The following ATP8A2 variants were observed in gnomAD, a reference collection of about 807,000 sequenced individuals.
ATP8A2 encodes the protein ATPase phospholipid transporting 8A2, also known as phospholipid-transporting ATPase IB.
A neutral mutation model predicts 165.6 loss-of-function variants in ATP8A2; 100 were observed. That is an observed-to-expected ratio of 0.60 (90% CI 0.51 to 0.71). The LOEUF is 0.71. Ranked by LOEUF, ATP8A2 falls within the 30% of genes least tolerant of loss-of-function variation. The pLI is 0.00. For synonymous variants in ATP8A2, 543 were observed against 548.8 expected, an observed-to-expected ratio of 0.99 and a Z score of 0.15; for missense variants, 1,227 against 1,479.5, an observed-to-expected ratio of 0.83 and a Z score of 2.80.
At chr13:25,890,124 TG>T (rs1400629390) in intron 33 of ATP8A2, among the ~76,000 whole-genome samples, 3 of 152,096 alleles carry the variant, frequency 2.0e-5, no homozygotes, top group Non-Finnish European at 4.4e-5. Context: ...ATCGCTCCAC[TG>T]CCCTCCAGCC....
At chr13:25,821,725 T>C (rs1349848018) in intron 27 of ATP8A2, among the ~76,000 whole-genome samples, 1 of 152,212 alleles carries the variant, frequency 6.6e-6, no homozygotes, top group African/African-American at 2.4e-5. Context: ...GACTATATGA[T>C]TTTTTGCTGT....
intron 35 of ATP8A2, among the ~76,000 whole-genome samples, chr13:26,008,907 T>G (rs1443807474): frequency 6.6e-6 from 1 of 152,148 alleles, no homozygotes; most frequent in Non-Finnish European, 1.5e-5. Flanking sequence ...AAATAAATAA[T>G]AAAGTATTCC....
chr13:25,742,113 G>A (rs2043926654), intron 25 of ATP8A2, among the ~76,000 whole-genome samples: 2 of 152,110 alleles, frequency 1.3e-5, no homozygotes, highest in South Asian at 4.1e-4. Flanking sequence ...TACACACCTG[G>A]ACTGTACGGA....
chr13:25,679,320 A>G lies in ATP8A2; in HGVS notation c.2212-19853A>G, dbSNP rs151102277. On this transcript the variant is annotated intron_variant, in intron 24 of 36. Transcript: ENST00000381655. ...GACATTCTGGTTGTAAGCACAGTGA[A>G]AAAATTGAGACTGAGTTTGGAAGCC... Among the ~76,000 whole-genome samples, 133 of 152,310 alleles carry G rather than the reference A, an allele frequency of 8.7e-4. No individual in the cohort carries two copies. The East Asian group carries it at 0.018, about 21-fold the overall frequency.
intron 27 of ATP8A2, among the ~76,000 whole-genome samples, chr13:25,796,850 T>C (rs1053890285): frequency 3.3e-5 from 5 of 152,246 alleles, no homozygotes; most frequent in Non-Finnish European, 7.3e-5. Context: ...TCTATATTAC[T>C]TGGTTTTTTT....
intron 35 of ATP8A2, among the ~76,000 whole-genome samples, chr13:25,987,567 C>A (rs1199091809): frequency 6.6e-6 from 1 of 152,166 alleles, no homozygotes; most frequent in Admixed American, 6.5e-5. Context: ...CATGCTGTTG[C>A]CTCACTCCCC....
chr13:25,568,916 T>C (rs1044575367), intron 16 of ATP8A2, among the ~76,000 whole-genome samples: 1 of 152,150 alleles, frequency 6.6e-6, no homozygotes, highest in African/African-American at 2.4e-5. Flanking sequence ...AGAAAACCAA[T>C]GATAGGTTAA....
intron 33 of ATP8A2, among the ~76,000 whole-genome samples, chr13:25,890,165 AAAAAG>A (rs977796907): frequency 6.6e-6 from 1 of 152,044 alleles, no homozygotes; most frequent in Non-Finnish European, 1.5e-5. Flanking sequence ...CTGTCTCAAA[AAAAAG>A]AAAAGAAAAA....
intron 33 of ATP8A2, among the ~76,000 whole-genome samples, chr13:25,866,116 T>G (rs1273230521): frequency 6.6e-6 from 1 of 152,182 alleles, no homozygotes; most frequent in Admixed American, 6.5e-5. Context: ...TCAGGAAATG[T>G]GTTTCTGTTT....
intron 24 of ATP8A2, among the ~76,000 whole-genome samples, chr13:25,685,766 G>A (rs2042588259): frequency 6.6e-6 from 1 of 152,126 alleles, no homozygotes; most frequent in African/African-American, 2.4e-5. Flanking sequence ...GAAGGCACTT[G>A]GTTCTTATTC....
At chr13:25,532,866 G>A (rs1253731360) in intron 5 of ATP8A2, among the ~76,000 whole-genome samples, 3 of 151,924 alleles carry the variant, frequency 2.0e-5, no homozygotes, top group East Asian at 1.9e-4. Context: ...GGGTTTCACC[G>A]TGTTGCCCAG....
At chr13:25,436,456 G>A (rs1456449921) in intron 1 of ATP8A2, among the ~76,000 whole-genome samples, 1 of 152,058 alleles carries the variant, frequency 6.6e-6, no homozygotes, top group Non-Finnish European at 1.5e-5. Flanking sequence ...CTTTTTTATG[G>A]CTATGTAGTA....
chr13:25,780,031 A>G (rs1337002133), intron 27 of ATP8A2, among the ~76,000 whole-genome samples: 3 of 152,238 alleles, frequency 2.0e-5, no homozygotes, highest in Admixed American at 2.0e-4. Context: ...ATTAGGTGGC[A>G]TATGCATTTG....
intron 2 of ATP8A2, among the ~76,000 whole-genome samples, chr13:25,506,610 C>T (rs1264286516): frequency 1.3e-5 from 2 of 152,136 alleles, no homozygotes; most frequent in African/African-American, 4.8e-5. Flanking sequence ...TGAGGAAGCC[C>T]CACTTCCCGG....
intron 1 of ATP8A2, among the ~76,000 whole-genome samples, chr13:25,439,281 T>C (rs1005197129): frequency 1.3e-5 from 2 of 152,032 alleles, no homozygotes; most frequent in African/African-American, 2.4e-5. Flanking sequence ...GTGTGCCTAA[T>C]AGGGAGGCAC....
chr13:25,750,312 T>C lies in ATP8A2; in HGVS notation c.2385-18734T>C, dbSNP rs560333358. On this transcript the variant is annotated intron_variant, in intron 25 of 36. Transcript: ENST00000381655. This position sits in a 1 kb window ranked among gnomAD's most constrained non-coding sequence, Gnocchi z 4.3. The stretch of plus-strand genomic sequence containing the variant: ...AGGAGACCAAATAAAATAGTACACA[T>C]CTGTGTGTAGTTACCAAAGCCAGGA... Among the ~76,000 whole-genome samples the C allele has an allele frequency of 1.4e-3, 206 of 152,262 alleles. No homozygotes were observed. Among genetic ancestry groups the C allele is most frequent in the African/African-American group, 4.7e-3 (194 of 41,558 alleles).
At chr13:25,454,543 G>A (rs567266241) in intron 1 of ATP8A2, among the ~76,000 whole-genome samples, 62 of 152,286 alleles carry the variant, frequency 4.1e-4, no homozygotes, top group Middle Eastern at 6.8e-3. Flanking sequence ...GAGCTGGGCA[G>A]GGCAGGTCTC....
chr13:25,609,406 C>T (rs12184813), intron 24 of ATP8A2, among the ~76,000 whole-genome samples: 1 of 151,314 alleles, frequency 6.6e-6, no homozygotes, highest in Non-Finnish European at 1.5e-5. Context: ...AGATTTGCAA[C>T]TATTAAAGGA....
chr13:25,643,532 G>T (rs1479235902), intron 24 of ATP8A2, among the ~76,000 whole-genome samples: 1 of 152,076 alleles, frequency 6.6e-6, no homozygotes, highest in African/African-American at 2.4e-5. Flanking sequence ...TAAAGAGACT[G>T]TCCTTTTCCC....
Sources: allele counts gnomAD v4.1 joint callset (sites outside exome capture counted in the v4.1 genomes callset), GRCh38; gene constraint gnomAD v4.1.1; non-coding constraint Gnocchi (gnomAD v3.1); transcripts MANE v1.5; gene names NCBI Gene and HGNC (gene_info 2026-07-23, HGNC 2026-07-21).